The following ETS1 variants were observed in gnomAD, a reference collection of about 807,000 sequenced individuals.
ETS1 encodes ETS proto-oncogene 1, transcription factor, also known as protein C-ets-1.
Under a neutral mutation model 58.6 loss-of-function variants are expected in ETS1, and 15 were observed. The observed-to-expected ratio is 0.26, with a 90% CI of 0.17 to 0.39. ETS1 has a LOEUF of 0.39. ETS1 is among the 10% of genes least tolerant of loss of function. The pLI is 1.00. For missense variants in ETS1, 417 were observed against 610.5 expected (o/e 0.68, Z 3.34); for synonymous variants, 214 against 218.2 (o/e 0.98, Z 0.17).
At chr11:128,517,362 A>G (rs747210190) in intron 3 of ETS1, among the ~76,000 whole-genome samples, 3 of 152,268 alleles carry the variant, frequency 2.0e-5, no homozygotes, top group Non-Finnish European at 4.4e-5. Context: ...ATCAGTTTCT[A>G]AATTTCTAGA....
At chr11:128,575,852 C>T (rs1864735435) in intron 1 of ETS1, among the ~76,000 whole-genome samples, 1 of 152,200 alleles carries the variant, frequency 6.6e-6, no homozygotes, top group Non-Finnish European at 1.5e-5. Context: ...GCCTATTTTA[C>T]TTACGTATTT....
In ETS1 at chr11:128,463,730, C is replaced by T; in HGVS notation, c.1124-103G>A. 1.4e-6 allele frequency: 1 copy of T among 716,534 alleles called. No individual in the cohort carries two copies. The highest frequency in any genetic ancestry group is 1.8e-5 in the Admixed American group (1 of 54,770). The allele number at this position is 716,534 out of a possible 1,614,324, so 44.4% of individuals were successfully genotyped here. ...CCACATCCCTCTTCTCTCAGCCCAT[C>T]CAGCCAGGAGAAAATGAAGGCAACA... is the stretch of plus-strand genomic sequence containing the variant. On this transcript the variant is annotated intron_variant, in intron 8 of 9. Transcript: ENST00000392668. The surrounding 1 kb of genome is among the most constrained non-coding windows in gnomAD (Gnocchi z 4.1).
intron 3 of ETS1, among the ~76,000 whole-genome samples, chr11:128,512,061 C>T (rs12292114): frequency 4.5e-4 from 68 of 152,282 alleles, no homozygotes; most frequent in African/African-American, 1.6e-3. Context: ...ATTCCACAAA[C>T]ACCCAAATAT....
intron 3 of ETS1, among the ~76,000 whole-genome samples, chr11:128,506,301 A>C (rs1349016745): frequency 2.6e-5 from 4 of 152,238 alleles, no homozygotes. Context: ...TCAATTTAAA[A>C]AAAAGTAAAT....
chr11:128,525,985 CT>C (rs1276237607), intron 3 of ETS1, among the ~76,000 whole-genome samples: 2 of 152,156 alleles, frequency 1.3e-5, no homozygotes. Context: ...TGCAGGCTGG[CT>C]CTGTGACCTC....
intron 1 of ETS1, among the ~76,000 whole-genome samples, chr11:128,586,167 T>C (rs1296770223): frequency 2.0e-5 from 3 of 152,236 alleles, no homozygotes; most frequent in South Asian, 4.1e-4. Flanking sequence ...GAACTGTTTG[T>C]TATTTCACTA....
intron 8 of ETS1, among the ~76,000 whole-genome samples, chr11:128,472,094 A>G (rs1405468330): frequency 6.6e-6 from 1 of 152,208 alleles, no homozygotes; most frequent in Non-Finnish European, 1.5e-5. Flanking sequence ...AACTGCATGG[A>G]GGTAGCGGAA....
intron 2 of ETS1, among the ~76,000 whole-genome samples, chr11:128,571,500 T>TCCAGCCTGGACGA (rs1565414945): frequency 2.8e-5 from 1 of 36,140 alleles, no homozygotes; most frequent in African/African-American, 1.2e-4. Context: ...CAAGACTCCG[T>TCCAGCCTGGACGA]CAAAAAAAAA....
intron 7 of ETS1, among the ~76,000 whole-genome samples, chr11:128,483,738 G>C (rs1407094781): frequency 6.6e-6 from 1 of 152,190 alleles, no homozygotes; most frequent in Non-Finnish European, 1.5e-5. Flanking sequence ...CATGACCCAT[G>C]ATTCTTCAAA....
Position 128,535,765 on chromosome 11 carries a change from C to T in ETS1, c.214+20526G>A, listed in dbSNP as rs183687566. 4.4e-3 allele frequency among the ~76,000 whole-genome samples: 671 copies of T among 152,304 alleles called. 4 individuals are homozygous for T. The highest frequency in any genetic ancestry group is 0.015 in the African/African-American group (616 of 41,570). ...TTCCTTGCTATTTTACCACCACAAT[C>T]TCAACTTTTGAAAAGTTGTGTCTTT... On this transcript the variant is annotated intron_variant, in intron 3 of 9. Coordinates refer to ENST00000392668, the MANE Select transcript of ETS1 (RefSeq NM_001143820.2).
rs1212337397 is a variant in ETS1, at chr11:128,480,234, C to A, written c.1080G>T (p.Lys360Asn). 1 of 1,614,030 alleles carries A rather than the reference C, an allele frequency of 6.2e-7. No homozygotes were observed. The highest frequency in any genetic ancestry group is 8.5e-7 in the Non-Finnish European group (1 of 1,180,018). Reference sequence around the variant, plus strand: ...CAGCAGCAGGAATGACAGGCTTGTCCTTATTGAGGTCAGCACGGTCCCGCA... The same window carrying A: ...CAGCAGCAGGAATGACAGGCTTGTCATTATTGAGGTCAGCACGGTCCCGCA... ...DYVRDRADLN[K>N]DKPVIPAAAL... The change falls in exon 8 of 10, where the codon AAG becomes AAT. Residue 360 changes from lysine (K) to asparagine (N), a missense_variant. Transcript: ENST00000392668.
rs750121578 is a variant in ETS1 at position 128,573,103 on chromosome 11, T to C, written c.28A>G (p.Ser10Gly). ...GGCGCTGAGTAAGGGACGGGGCTGCTCCCAGCAGAATCCACAAAGTAGCTC... is the reference window on the plus strand; with the variant it reads ...GGCGCTGAGTAAGGGACGGGGCTGCCCCCAGCAGAATCCACAAAGTAGCTC... MSYFVDSAGSSPVPYSAPRP... is the reference protein window; with the variant it reads MSYFVDSAGGSPVPYSAPRP... The change falls in exon 2 of 10, where the codon AGC becomes GGC. Residue 10 changes from serine (S) to glycine (G), a missense_variant. By Grantham distance (56) the Ser-to-Gly change is moderately conservative. This residue lies in a region of ETS1 where 90 missense variants were observed against 90.3 expected (regional missense o/e 1.00). Transcript: ENST00000392668. 3 of 1,600,420 alleles carry C rather than the reference T, an allele frequency of 1.9e-6. No homozygotes were observed. The highest frequency in any genetic ancestry group is 1.7e-6 in the Non-Finnish European group (2 of 1,173,636).
chr11:128,483,843 C>A (rs1311036995), intron 7 of ETS1, among the ~76,000 whole-genome samples: 1 of 152,236 alleles, frequency 6.6e-6, no homozygotes, highest in Non-Finnish European at 1.5e-5. Flanking sequence ...CCAGCCCCAG[C>A]CTGACATCTG....
intron 5 of ETS1, 45 bp from the exon 6 acceptor site, chr11:128,486,191 G>A: frequency 8.1e-7 from 1 of 1,235,198 alleles, no homozygotes; most frequent in Non-Finnish European, 1.2e-6. Context: ...CAATATTCAA[G>A]TCATGCTTGG....
Position 128,538,767 on chromosome 11 carries a change from C to T in ETS1, c.214+17524G>A, listed in dbSNP as rs12146592. Among the ~76,000 whole-genome samples, 17 of 49,858 alleles carry T rather than the reference C, an allele frequency of 3.4e-4. No individual in the cohort carries two copies. The East Asian group carries it at 6.3e-3, about 19-fold the overall frequency. 32.7% of individuals were successfully genotyped at this position (49,858 alleles called of 152,430 possible). ...ACACATACACACATACACACACACA[C>T]ACACACACACACACACACACACACC... On this transcript the variant is annotated intron_variant, in intron 3 of 9. Transcript: ENST00000392668.
intron 3 of ETS1, among the ~76,000 whole-genome samples, chr11:128,555,413 C>A (rs765284262): frequency 4.6e-5 from 7 of 152,134 alleles, no homozygotes; most frequent in East Asian, 1.9e-4. Flanking sequence ...CAGGTCTTTC[C>A]CCAGAATTAC....
chr11:128,463,086 G>A lies in ETS1; in HGVS notation c.1242+423C>T, dbSNP rs1246522785. Among the ~76,000 whole-genome samples, 6 of 151,962 alleles carry A rather than the reference G, an allele frequency of 3.9e-5. No homozygotes were observed. Among genetic ancestry groups the A allele is most frequent in the African/African-American group, 1.5e-4 (6 of 41,328 alleles). ...TCCTGTTCATTGTTTTTTATCCTCA[G>A]AATTGGGCATGGCACGGAACCACTA... is the stretch of plus-strand genomic sequence containing the variant. On this transcript the variant is annotated intron_variant, in intron 9 of 9. Transcript: ENST00000392668. This position sits in a 1 kb window ranked among gnomAD's most constrained non-coding sequence, Gnocchi z 4.1.
In ETS1 at chr11:128,480,138, C is replaced by T. The variant is rs985100037; in HGVS notation, c.1123+53G>A. On this transcript the variant is annotated intron_variant, in intron 8 of 9. Coordinates refer to ENST00000392668, the MANE Select transcript of ETS1 (RefSeq NM_001143820.2). ...AGGTGCAGAGTGCCTTCCAGGACCC[C>T]ACCCACAGAAACGTGCAGATGGAGT... The T allele has an allele frequency of 2.1e-5, 34 of 1,597,008 alleles. No individual in the cohort carries two copies. The African/African-American group carries it at 4.0e-4, about 19-fold the overall frequency.
At chr11:128,472,714 T>G (rs1862219189) in intron 8 of ETS1, among the ~76,000 whole-genome samples, 1 of 152,182 alleles carries the variant, frequency 6.6e-6, no homozygotes, top group Non-Finnish European at 1.5e-5. Flanking sequence ...CAGACGACCT[T>G]GACCCAAAGA....
Sources: allele counts gnomAD v4.1 joint callset (sites outside exome capture counted in the v4.1 genomes callset), GRCh38; gene constraint gnomAD v4.1.1; regional missense constraint gnomAD v4.1.1; non-coding constraint Gnocchi (gnomAD v3.1); transcripts MANE v1.5; gene names NCBI Gene and HGNC (gene_info 2026-07-23, HGNC 2026-07-21).